MAX: variants seen among roughly 807,000 people sequenced by gnomAD.
MAX encodes protein max.
A neutral mutation model predicts 22.3 loss-of-function variants in MAX; 3 were observed. That is an observed-to-expected ratio of 0.13 (90% CI 0.06 to 0.35). The LOEUF (loss-of-function observed/expected upper bound fraction) is 0.35. MAX is among the 10% of genes least tolerant of loss of function. The probability of loss-of-function intolerance (pLI) is 1.00; values close to 1 mark genes in which losing one functional copy is unlikely to be tolerated. For missense variants in MAX, 119 were observed against 209.4 expected (o/e 0.57, Z 2.66); for synonymous variants, 72 against 77.7 (o/e 0.93, Z 0.39).
At position 65,011,671 on chromosome 14, in the gene MAX, G is replaced by A. The variant is rs894482383; in HGVS notation, c.172-5387C>T. On this transcript the variant is annotated intron_variant, in intron 3 of 3. Coordinates refer to the MAX transcript ENST00000341653. The surrounding 1 kb of genome is among the most constrained non-coding windows in gnomAD (Gnocchi z 4.0). ...GAAGTGCAGCCTCTGTGCTTTGCCCGGCCTGTGCAGGTGGCCATGGGCGGC... is the reference window on the plus strand; with the variant it reads ...GAAGTGCAGCCTCTGTGCTTTGCCCAGCCTGTGCAGGTGGCCATGGGCGGC... Among the ~76,000 whole-genome samples, 7 of 152,178 alleles carry A rather than the reference G, an allele frequency of 4.6e-5. No homozygotes were observed. Among genetic ancestry groups the A allele is most frequent in the East Asian group, 1.9e-4 (1 of 5,194 alleles).
At position 65,075,659 on chromosome 14, in the gene MAX, A is replaced by G; in HGVS notation, c.*817T>C. 9.4e-7 allele frequency: 1 copy of G among 1,066,388 alleles called. No individual in the cohort carries two copies. Among genetic ancestry groups the G allele is most frequent in the Non-Finnish European group, 1.1e-6 (1 of 879,770 alleles). The allele number at this position is 1,066,388 out of a possible 1,614,324, so 66.1% of individuals were successfully genotyped here. On this transcript the variant is annotated 3_prime_UTR_variant, in exon 5 of 5. Coordinates refer to ENST00000358664, the MANE Select transcript of MAX (RefSeq NM_002382.5). The surrounding 1 kb of genome is among the most constrained non-coding windows in gnomAD (Gnocchi z 4.1). ...AGCAGGAAATAAATATCAAAACATC[A>G]TCACTGGCCCTCAATACAAAACCTC...
rs563803256 is a variant in MAX, at chr14:65,080,506, T to C, written c.172-2470A>G. 5.9e-4 allele frequency among the ~76,000 whole-genome samples: 90 copies of C among 152,202 alleles called. 3 individuals are homozygous for C. In the South Asian group the frequency reaches 6.6e-3, roughly 11 times the overall value. ...TTAGTATTGATAAGAGGTGGTAGAG[T>C]GGCAAGGAAGAATTTGGGAATTAGA... On this transcript the variant is annotated intron_variant, in intron 3 of 4. Coordinates refer to ENST00000358664, the MANE Select transcript of MAX (RefSeq NM_002382.5).
At position 65,031,660 on chromosome 14, in the gene MAX, C is replaced by T. The variant is rs1051231836; in HGVS notation, c.172-25376G>A. Among the ~76,000 whole-genome samples the T allele has an allele frequency of 1.3e-5, 2 of 152,078 alleles. No individual in the cohort carries two copies. Among genetic ancestry groups the T allele is most frequent in the African/African-American group, 4.8e-5 (2 of 41,412 alleles). On this transcript the variant is annotated intron_variant, in intron 3 of 3. Transcript: ENST00000341653. This position sits in a 1 kb window ranked among gnomAD's most constrained non-coding sequence, Gnocchi z 4.6. ...AATAGCCCGGGCGCGGTGGCTTATG[C>T]CTGTAATCCCAGCACTTTGGGAGGC...
intron 3 of MAX, chr14:65,022,197 C>T: frequency 2.6e-6 from 1 of 390,016 alleles, no homozygotes; most frequent in South Asian, 1.9e-5. Flanking sequence ...GTGATGCCAG[C>T]TCATGCATCT....
rs888047644 is a variant in MAX, at chr14:65,069,735, C to T, written c.171+23973G>A. On this transcript the variant is annotated intron_variant, in intron 3 of 3. Coordinates refer to the MAX transcript ENST00000341653. This position sits in a 1 kb window ranked among gnomAD's most constrained non-coding sequence, Gnocchi z 4.6. ...TGCTAGGAGTCCAGTAACAAGTGCA[C>T]AGACCAGCCACTGACTCTGTGGGGG... Among the ~76,000 whole-genome samples the T allele has an allele frequency of 1.1e-4, 16 of 152,242 alleles. No individual in the cohort carries two copies. Among genetic ancestry groups the T allele is most frequent in the African/African-American group, 2.9e-4 (12 of 41,476 alleles).
At chr14:65,057,422 C>T (rs1236082536) in intron 3 of MAX, among the ~76,000 whole-genome samples, 1 of 152,108 alleles carries the variant, frequency 6.6e-6, no homozygotes, top group Non-Finnish European at 1.5e-5. Flanking sequence ...CTGCCCCCAG[C>T]ACCCCTTCCC....
downstream of MAX, among the ~76,000 whole-genome samples, chr14:65,072,068 C>A (rs551067071): frequency 5.3e-5 from 8 of 152,176 alleles, no homozygotes; most frequent in Non-Finnish European, 8.8e-5. Flanking sequence ...TTTTTTCCTA[C>A]CTGGGTTTCC....
At chr14:65,026,937 G>A (rs1022484553) in intron 3 of MAX, among the ~76,000 whole-genome samples, 2 of 152,140 alleles carry the variant, frequency 1.3e-5, no homozygotes, top group Non-Finnish European at 2.9e-5. Flanking sequence ...GGCTTAGGTG[G>A]CAATGGGAGT....
At chr14:65,064,078 T>C (rs1473376695) in intron 3 of MAX, among the ~76,000 whole-genome samples, 2 of 152,102 alleles carry the variant, frequency 1.3e-5, no homozygotes, top group Admixed American at 6.5e-5. Flanking sequence ...GAGAACCTCA[T>C]GGATAATCAG....
intron 3 of MAX, among the ~76,000 whole-genome samples, chr14:65,067,042 C>T (rs908185524): frequency 2.0e-5 from 3 of 149,538 alleles, no homozygotes; most frequent in Admixed American, 6.7e-5. Flanking sequence ...AAAAATTAGT[C>T]GGATGCGGTG....
At chr14:65,035,877 G>T (rs2062178225) in intron 3 of MAX, among the ~76,000 whole-genome samples, 1 of 151,526 alleles carries the variant, frequency 6.6e-6, no homozygotes, top group Non-Finnish European at 1.5e-5. Flanking sequence ...TGTTGCCCTG[G>T]CTGGATTGCA....
intron 3 of MAX, chr14:65,021,861 GT>G (rs2061892613): frequency 4.5e-6 from 2 of 447,970 alleles, no homozygotes; most frequent in Non-Finnish European, 9.0e-6. Context: ...GGCCAGGCTG[GT>G]CTCAAACTCC....
At chr14:65,046,241 G>C (rs918879816) in intron 3 of MAX, among the ~76,000 whole-genome samples, 2 of 152,196 alleles carry the variant, frequency 1.3e-5, no homozygotes, top group African/African-American at 2.4e-5. Flanking sequence ...CTCCCAAAGT[G>C]CTGGGATTAC....
rs576595284 is a variant in MAX at position 65,075,633 on chromosome 14, T to C, written c.*843A>G. 9.4e-7 allele frequency: 1 copy of C among 1,066,374 alleles called. No homozygotes were observed. The highest frequency in any genetic ancestry group is 5.0e-5 in the East Asian group (1 of 20,182). The allele number at this position is 1,066,374 out of a possible 1,614,324, so 66.1% of individuals were successfully genotyped here. A position where few individuals can be genotyped will look rare whatever the true frequency, so the allele number is the denominator to read the frequency against. ...CAATTCACTCAGATTCAAATTTAAG[T>C]AGCAGGAAATAAATATCAAAACATC... On this transcript the variant is annotated 3_prime_UTR_variant, in exon 5 of 5. Coordinates refer to ENST00000358664, the MANE Select transcript of MAX (RefSeq NM_002382.5). This position sits in a 1 kb window ranked among gnomAD's most constrained non-coding sequence, Gnocchi z 4.1.
chr14:65,052,737 C>G (rs2062643607), intron 3 of MAX, among the ~76,000 whole-genome samples: 1 of 152,106 alleles, frequency 6.6e-6, no homozygotes, highest in South Asian at 2.1e-4. Context: ...TTAGAGAATT[C>G]CCTTTGGAGA....
At position 65,012,385 on chromosome 14, in the gene MAX, A is replaced by G; in HGVS notation, c.172-6101T>C. On this transcript the variant is annotated intron_variant, in intron 3 of 3. Coordinates refer to the MAX transcript ENST00000341653. The surrounding 1 kb of genome is among the most constrained non-coding windows in gnomAD (Gnocchi z 5.0). The stretch of plus-strand genomic sequence containing the variant: ...GGCCTTCGACAACTGACAGATGCCT[A>G]TGAGGTAAACACATTACCCAGGAAC... 2.5e-6 allele frequency: 4 copies of G among 1,614,144 alleles called. No homozygotes were observed. Among genetic ancestry groups the G allele is most frequent in the Non-Finnish European group, 3.4e-6 (4 of 1,179,956 alleles).
intron 3 of MAX, among the ~76,000 whole-genome samples, chr14:65,020,179 CT>C (rs1190004485): frequency 1.3e-5 from 2 of 152,220 alleles, no homozygotes. Context: ...GGACAAAATA[CT>C]TTTGTCAGCT....
rs972464469 is a variant in MAX, at chr14:65,088,009, A to G, written c.171+5699T>C. Reference sequence around the variant, plus strand: ...TTAAAAACAGGAGTTTCCCTGCACAAGCTCTCTCTCTTTGCCTGCTGCCAT... The same window carrying G: ...TTAAAAACAGGAGTTTCCCTGCACAGGCTCTCTCTCTTTGCCTGCTGCCAT... On this transcript the variant is annotated intron_variant, in intron 3 of 4. Coordinates refer to ENST00000358664, the MANE Select transcript of MAX (RefSeq NM_002382.5). The surrounding 1 kb of genome is among the most constrained non-coding windows in gnomAD (Gnocchi z 5.2). Among the ~76,000 whole-genome samples the G allele has an allele frequency of 6.6e-6, 1 of 152,086 alleles. No homozygotes were observed. The highest frequency in any genetic ancestry group is 1.5e-5 in the Non-Finnish European group (1 of 68,018).
rs578102693 is a variant in MAX at position 65,023,875 on chromosome 14, C to T, written c.172-17591G>A. 5.3e-5 allele frequency among the ~76,000 whole-genome samples: 8 copies of T among 152,102 alleles called. No individual in the cohort carries two copies. Among genetic ancestry groups the T allele is most frequent in the East Asian group, 3.9e-4 (2 of 5,172 alleles). ...TAGCACTTTGGGAGGCCAAGGCGGG[C>T]GGATTGTCTGAGCTCGGGAGTTCGA... is the stretch of plus-strand genomic sequence containing the variant. On this transcript the variant is annotated intron_variant, in intron 3 of 3. Transcript: ENST00000341653. The surrounding 1 kb of genome is among the most constrained non-coding windows in gnomAD (Gnocchi z 4.1).
Sources: allele counts gnomAD v4.1 joint callset (sites outside exome capture counted in the v4.1 genomes callset), GRCh38; gene constraint gnomAD v4.1.1; non-coding constraint Gnocchi (gnomAD v3.1); transcripts MANE v1.5; gene names NCBI Gene and HGNC (gene_info 2026-07-23, HGNC 2026-07-21).